HHAT: variants seen among roughly 807,000 people sequenced by gnomAD.
HHAT encodes hedgehog acyltransferase, also known as protein-cysteine N-palmitoyltransferase HHAT.
Under a neutral mutation model 70.8 loss-of-function variants are expected in HHAT, and 47 were observed. That is an observed-to-expected ratio of 0.66 (90% confidence interval 0.53 to 0.85). HHAT has a LOEUF of 0.85. Ranked by LOEUF, HHAT falls within the 40% of genes least tolerant of loss-of-function variation. The probability of loss-of-function intolerance (pLI) is 0.00; values close to 1 mark genes in which losing one functional copy is unlikely to be tolerated. For missense variants in HHAT, 609 were observed against 604.8 expected, an observed-to-expected ratio of 1.01 and a Z score of -0.07; for synonymous variants, 228 against 247.6, an observed-to-expected ratio of 0.92 and a Z score of 0.74.
At chr1:210,660,304 C>A (rs941871169) in intron 11 of HHAT, among the ~76,000 whole-genome samples, 2 of 152,120 alleles carry the variant, frequency 1.3e-5, no homozygotes, top group African/African-American at 4.8e-5. Flanking sequence ...TGAGTGAACT[C>A]CCATTCACAA....
chr1:210,505,176 G>C (rs2094831029), intron 8 of HHAT, among the ~76,000 whole-genome samples: 1 of 152,180 alleles, frequency 6.6e-6, no homozygotes, highest in African/African-American at 2.4e-5. Flanking sequence ...TGGGATTACA[G>C]GCATGAACCA....
At chr1:210,657,255 T>C (rs911548617) in intron 11 of HHAT, among the ~76,000 whole-genome samples, 2 of 152,190 alleles carry the variant, frequency 1.3e-5, no homozygotes, top group African/African-American at 4.8e-5. Flanking sequence ...GGGATGCCTC[T>C]GGACAACCTA....
chr1:210,446,130 G>A (rs767830970), intron 7 of HHAT, among the ~76,000 whole-genome samples: 7 of 152,266 alleles, frequency 4.6e-5, no homozygotes, highest in Non-Finnish European at 8.8e-5. Flanking sequence ...CTCTTGTCGG[G>A]TGGGCGAGGG....
chr1:210,507,650 C>T (rs929412332), intron 8 of HHAT, among the ~76,000 whole-genome samples: 7 of 152,036 alleles, frequency 4.6e-5, no homozygotes, highest in Non-Finnish European at 8.8e-5. Context: ...TGAGCTACCG[C>T]ACCTGGCCAT....
Position 210,587,734 on chromosome 1 carries a change from C to G in HHAT, c.1044-164C>G, listed in dbSNP as rs750109964. 5.9e-5 allele frequency among the ~76,000 whole-genome samples: 9 copies of G among 152,192 alleles called. 1 individual carries two copies. Among genetic ancestry groups the G allele is most frequent in the Non-Finnish European group, 1.2e-4 (8 of 68,042 alleles). ...TGCAGAGCTAAGGCTTGGGTTTTCG[C>G]CAACTCCTTGTGGGATGGAGAATCC... On this transcript the variant is annotated intron_variant, in intron 9 of 11. Transcript: ENST00000261458.
At chr1:210,618,610 C>G (rs1410544750) in intron 10 of HHAT, among the ~76,000 whole-genome samples, 1 of 152,212 alleles carries the variant, frequency 6.6e-6, no homozygotes, top group Non-Finnish European at 1.5e-5. Flanking sequence ...GTCCCCACCT[C>G]CCGTCTCAGC....
Position 210,574,121 on chromosome 1 carries a change from A to G in HHAT, c.1044-13777A>G, listed in dbSNP as rs545368563. On this transcript the variant is annotated intron_variant, in intron 9 of 11. Transcript: ENST00000261458. ...AGGTAGCTCGGAAGTACTAAAGAGCAGCATATCAGCAAGTTGAAAGAGATC... is the reference window on the plus strand; with the variant it reads ...AGGTAGCTCGGAAGTACTAAAGAGCGGCATATCAGCAAGTTGAAAGAGATC... 5.9e-5 allele frequency among the ~76,000 whole-genome samples: 9 copies of G among 152,370 alleles called. 1 individual carries two copies. Among genetic ancestry groups the G allele is most frequent in the African/African-American group, 2.2e-4 (9 of 41,584 alleles).
chr1:210,499,335 T>A (rs973964738), intron 8 of HHAT, among the ~76,000 whole-genome samples: 1 of 152,162 alleles, frequency 6.6e-6, no homozygotes, highest in African/African-American at 2.4e-5. Flanking sequence ...AAAAATAATT[T>A]GATGGAAAGC....
chr1:210,615,842 C>T (rs957914231), intron 10 of HHAT, among the ~76,000 whole-genome samples: 23 of 152,174 alleles, frequency 1.5e-4, no homozygotes, highest in African/African-American at 5.3e-4. Flanking sequence ...TGTCAGTCTG[C>T]CCCTACTGGG....
intron 9 of HHAT, among the ~76,000 whole-genome samples, chr1:210,530,457 G>T (rs2095302999): frequency 1.3e-5 from 2 of 152,134 alleles, no homozygotes; most frequent in African/African-American, 4.8e-5. Flanking sequence ...AATTAGAGGA[G>T]ATTCATTTGC....
At chr1:210,542,141 A>G (rs2095436536) in intron 9 of HHAT, among the ~76,000 whole-genome samples, 1 of 152,220 alleles carries the variant, frequency 6.6e-6, no homozygotes, top group Non-Finnish European at 1.5e-5. Context: ...AACTGTTTCA[A>G]GATGAGAGAC....
At chr1:210,519,591 G>T (rs924229697) in intron 9 of HHAT, among the ~76,000 whole-genome samples, 2 of 146,702 alleles carry the variant, frequency 1.4e-5, no homozygotes, top group Non-Finnish European at 3.0e-5. Flanking sequence ...GCAGTGGCGT[G>T]ATCATGGCTC....
At position 210,625,748 on chromosome 1, in the gene HHAT, C is replaced by T. The variant is rs147378279; in HGVS notation, c.1390+2078C>T. Among the ~76,000 whole-genome samples the T allele has an allele frequency of 1.1e-4, 16 of 152,298 alleles. No homozygotes were observed. In the East Asian group the frequency reaches 3.1e-3, roughly 29 times the overall value. ...TTTCTCTGACAGTTCAATACAAATC[C>T]AGTGGCTTTTTCTAAGCAGTGACTC... On this transcript the variant is annotated intron_variant, in intron 11 of 11. Transcript: ENST00000261458.
chr1:210,483,772 T>A (rs1482466113), intron 8 of HHAT, among the ~76,000 whole-genome samples: 2 of 152,310 alleles, frequency 1.3e-5, no homozygotes, highest in South Asian at 4.1e-4. Context: ...CCTCATGGGT[T>A]ACATTTTTGA....
intron 1 of HHAT, among the ~76,000 whole-genome samples, chr1:210,331,247 T>C (rs576976478): frequency 1.3e-5 from 2 of 148,524 alleles, no homozygotes; most frequent in African/African-American, 5.2e-5. Flanking sequence ...GGCAGTCCCA[T>C]CTGGGGGGGT....
At chr1:210,570,072 A>G (rs1224106486) in intron 9 of HHAT, among the ~76,000 whole-genome samples, 1 of 152,214 alleles carries the variant, frequency 6.6e-6, no homozygotes, top group Non-Finnish European at 1.5e-5. Context: ...TATACAGTTT[A>G]TGTGATACCA....
At chr1:210,344,276 GTTTCATTGAAACAATGTTA>G (rs2086305668) in intron 1 of HHAT, among the ~76,000 whole-genome samples, 1 of 48,436 alleles carries the variant, frequency 2.1e-5, no homozygotes, top group African/African-American at 1.2e-4. Context: ...CTATGTTATT[GTTTCATTGAAACAATGTTA>G]TTGTTTCCTT....
chr1:210,445,729 AT>A (rs974484954), intron 7 of HHAT, among the ~76,000 whole-genome samples: 5 of 152,086 alleles, frequency 3.3e-5, no homozygotes, highest in Admixed American at 3.3e-4. Flanking sequence ...TGGTGGACTG[AT>A]TTTTTGTTAA....
intron 2 of HHAT, among the ~76,000 whole-genome samples, chr1:210,356,122 T>C (rs1406959079): frequency 6.6e-6 from 1 of 151,470 alleles, no homozygotes; most frequent in Non-Finnish European, 1.5e-5. Flanking sequence ...AGACAGGGTC[T>C]TGCTATGTTG....
Sources: gnomAD v4.1 joint callset for allele counts (sites outside exome capture counted in the v4.1 genomes callset) on GRCh38, gnomAD v4.1.1 for gene constraint, MANE v1.5 for transcripts, NCBI Gene and HGNC (gene_info 2026-07-23, HGNC 2026-07-21) for gene names.